Variants in PREP observed in about 807,000 individuals in gnomAD.
PREP encodes prolyl endopeptidase, also known as dJ355L5.1 (prolyl endopeptidase).
A neutral mutation model predicts 87.6 loss-of-function variants in PREP; 29 were observed. The ratio of observed to expected loss-of-function variants is 0.33; its 90% confidence interval spans 0.25 to 0.45. PREP has a LOEUF of 0.45. Ranked by LOEUF, PREP falls within the 20% of genes least tolerant of loss-of-function variation. PREP has a pLI of 1.00. For missense variants in PREP, 695 were observed against 886.5 expected, an observed-to-expected ratio of 0.78 and a Z score of 2.74; for synonymous variants, 337 against 328.6, an observed-to-expected ratio of 1.03 and a Z score of -0.28.
chr6:105,339,349 A>G (rs1322706789), intron 7 of PREP, among the ~76,000 whole-genome samples: 1 of 152,248 alleles, frequency 6.6e-6, no homozygotes, highest in Non-Finnish European at 1.5e-5. Flanking sequence ...AAACAAACAG[A>G]AAGGACACCC....
At chr6:105,328,315 T>G (rs373081441) in intron 9 of PREP, among the ~76,000 whole-genome samples, 74 of 152,076 alleles carry the variant, frequency 4.9e-4, no homozygotes, top group African/African-American at 1.5e-3. Flanking sequence ...TGGAGTGCAG[T>G]GGCGCGATCT....
intron 5 of PREP, among the ~76,000 whole-genome samples, chr6:105,371,383 C>T (rs1772538712): frequency 6.6e-6 from 1 of 151,314 alleles, no homozygotes; most frequent in Admixed American, 6.6e-5. Flanking sequence ...GCTAACTAGT[C>T]CCAGTTACTT....
intron 2 of PREP, among the ~76,000 whole-genome samples, chr6:105,392,436 C>T (rs987688374): frequency 3.9e-5 from 6 of 152,166 alleles, no homozygotes; most frequent in Non-Finnish European, 5.9e-5. Context: ...TGAAATTACA[C>T]TGTGGTAAGT....
chr6:105,382,539 A>G (rs546365696), intron 2 of PREP, among the ~76,000 whole-genome samples: 1 of 152,172 alleles, frequency 6.6e-6, no homozygotes, highest in Non-Finnish European at 1.5e-5. Flanking sequence ...CTTAAAAAAA[A>G]CTCATCTTTT....
At chr6:105,362,999 C>T (rs1772294359) in intron 6 of PREP, among the ~76,000 whole-genome samples, 3 of 152,170 alleles carry the variant, frequency 2.0e-5, no homozygotes, top group Non-Finnish European at 4.4e-5. Context: ...TTAACATTCA[C>T]TGCATGCCTA....
chr6:105,380,218 T>C (rs577951382), intron 2 of PREP, among the ~76,000 whole-genome samples: 35 of 152,150 alleles, frequency 2.3e-4, no homozygotes, highest in African/African-American at 7.7e-4. Flanking sequence ...GGAGCAACCA[T>C]GCAAGGTGGG....
chr6:105,402,788 G>C lies in PREP; in HGVS notation c.45+59C>G, dbSNP rs539383293. 8.1e-5 allele frequency: 118 copies of C among 1,462,164 alleles called. 1 individual carries two copies. The South Asian group carries it at 1.2e-3, about 15-fold the overall frequency. 90.6% of individuals were successfully genotyped at this position (1,462,164 alleles called of 1,614,324 possible). ...GGAAGAGGAGCTGCGGGTGCCACGG[G>C]TCAGGCAGGCTGGGCACCTTTGCCC... On this transcript the variant is annotated intron_variant, in intron 1 of 14. Coordinates refer to ENST00000652536, the MANE Select transcript of PREP (RefSeq NM_002726.5).
At chr6:105,338,580 AG>A (rs1347635350) in intron 7 of PREP, among the ~76,000 whole-genome samples, 1 of 152,232 alleles carries the variant, frequency 6.6e-6, no homozygotes, top group Non-Finnish European at 1.5e-5. Context: ...GAGCCGAAGC[AG>A]GGCGGGGCAT....
Position 105,278,582 on chromosome 6 carries a change from T to TTAGGCCATGACTGGC in PREP, c.1839-159_1839-145dup. ...ATGGACTGTGCCTATGCGTTACCATTTAGGCCATGACTGGCAAGGGCTCCT... is the reference window on the plus strand; with the variant it reads ...ATGGACTGTGCCTATGCGTTACCATTTAGGCCATGACTGGCTAGGCCATGACTGGCAAGGGCTCCT... On this transcript the variant is annotated intron_variant, in intron 14 of 14. Transcript: ENST00000652536. This position sits in a 1 kb window ranked among gnomAD's most constrained non-coding sequence, Gnocchi z 4.2. The TTAGGCCATGACTGGC allele has an allele frequency of 1.2e-6, 1 of 858,976 alleles. No homozygotes were observed. The highest frequency in any genetic ancestry group is 1.9e-5 in the South Asian group (1 of 53,584). 53.2% of individuals were successfully genotyped at this position (858,976 alleles called of 1,614,324 possible). A position where few individuals can be genotyped will look rare whatever the true frequency, so the allele number is the denominator to read the frequency against.
intron 10 of PREP, among the ~76,000 whole-genome samples, chr6:105,312,392 C>T (rs1355882154): frequency 2.6e-5 from 4 of 152,218 alleles, no homozygotes; most frequent in Admixed American, 2.6e-4. Context: ...TTTGTCAATT[C>T]AGCCTGAGAA....
At chr6:105,308,072 T>A (rs1187966560) in intron 10 of PREP, among the ~76,000 whole-genome samples, 1 of 152,060 alleles carries the variant, frequency 6.6e-6, no homozygotes, top group East Asian at 1.9e-4. Context: ...TAATGCAGCA[T>A]TCAAGACATT....
chr6:105,338,768 G>A (rs895511025), intron 7 of PREP, among the ~76,000 whole-genome samples: 3 of 152,330 alleles, frequency 2.0e-5, no homozygotes, highest in Non-Finnish European at 2.9e-5. Flanking sequence ...AGGGTCCCAC[G>A]CCCACGGAGC....
chr6:105,311,061 C>CT (rs1770750015), intron 10 of PREP, among the ~76,000 whole-genome samples: 1 of 152,146 alleles, frequency 6.6e-6, no homozygotes, highest in African/African-American at 2.4e-5. Context: ...ATTCTACCTT[C>CT]TAGGTATATT....
chr6:105,344,667 C>T (rs1301090887), intron 7 of PREP, among the ~76,000 whole-genome samples: 1 of 151,936 alleles, frequency 6.6e-6, no homozygotes, highest in Non-Finnish European at 1.5e-5. Flanking sequence ...ACATCACACA[C>T]CAGGGCCTGT....
intron 1 of PREP, among the ~76,000 whole-genome samples, chr6:105,400,576 T>TC (rs11395155): frequency 0.014 from 2,127 of 152,172 alleles, 45 homozygotes; most frequent in African/African-American, 0.049. Context: ...ACATAATGCC[T>TC]CCCCCTCCTG....
At chr6:105,398,031 G>A (rs6910880) in intron 1 of PREP, 104 bp from the exon 2 acceptor site, 321,416 of 885,574 alleles carry the variant, frequency 0.36, 66,695 homozygotes, top group African/African-American at 0.81. Flanking sequence ...GGACAAAAAT[G>A]CTAATTGGCT....
intron 10 of PREP, among the ~76,000 whole-genome samples, chr6:105,291,089 AT>A (rs1583037945): frequency 6.6e-6 from 1 of 152,032 alleles, no homozygotes; most frequent in African/African-American, 2.4e-5. Context: ...TATCTAAAAA[AT>A]GTGCATGCCT....
chr6:105,361,243 G>T (rs1055647275), intron 6 of PREP, among the ~76,000 whole-genome samples: 3 of 152,076 alleles, frequency 2.0e-5, no homozygotes, highest in Non-Finnish European at 4.4e-5. Context: ...ATTTAACTAT[G>T]TATGAAGTAA....
chr6:105,373,252 G>A (rs1467003767), intron 5 of PREP, 117 bp downstream of exon 5: 3 of 1,124,904 alleles, frequency 2.7e-6, no homozygotes, highest in Non-Finnish European at 3.9e-6. Flanking sequence ...AACATCCTTT[G>A]AGGAAACATG....
Sources: allele counts gnomAD v4.1 joint callset (sites outside exome capture counted in the v4.1 genomes callset), GRCh38; gene constraint gnomAD v4.1.1; non-coding constraint Gnocchi (gnomAD v3.1); transcripts MANE v1.5; gene names NCBI Gene and HGNC (gene_info 2026-07-23, HGNC 2026-07-21).